SEC24D: variants seen among roughly 807,000 people sequenced by gnomAD.
The protein encoded by SEC24D is protein transport protein Sec24D.
In SEC24D, 69 loss-of-function variants were observed where a neutral mutation model predicts 116.9. The ratio of observed to expected loss-of-function variants is 0.59; its 90% CI spans 0.49 to 0.72. The LOEUF is 0.72. Among genes scored for constraint, SEC24D ranks in the 30% least tolerant of loss-of-function variants. The probability of loss-of-function intolerance (pLI) is 0.00; values close to 1 mark genes in which losing one functional copy is unlikely to be tolerated. For synonymous variants in SEC24D, 405 were observed against 442.8 expected, an observed-to-expected ratio of 0.91 and a Z score of 1.07; for missense variants, 1,131 against 1,264.1, an observed-to-expected ratio of 0.89 and a Z score of 1.60.
chr4:118,795,989 G>T (rs1242490262), intron 8 of SEC24D, among the ~76,000 whole-genome samples: 1 of 152,114 alleles, frequency 6.6e-6, no homozygotes, highest in African/African-American at 2.4e-5. Flanking sequence ...ATGCATTCTG[G>T]AGTATTTAGT....
At chr4:118,746,360 T>A (rs1304462918) in intron 13 of SEC24D, among the ~76,000 whole-genome samples, 2 of 152,034 alleles carry the variant, frequency 1.3e-5, no homozygotes, top group African/African-American at 2.4e-5. Flanking sequence ...ATTTATTGCA[T>A]GCAGCTCTGT....
In SEC24D at chr4:118,777,289, C is replaced by T. The variant is rs191722221; in HGVS notation, c.1042-8978G>A. Among the ~76,000 whole-genome samples, 323 of 152,230 alleles carry T rather than the reference C, an allele frequency of 2.1e-3. 1 individual carries two copies. Among genetic ancestry groups the T allele is most frequent in the African/African-American group, 7.3e-3 (303 of 41,536 alleles). ...CAGCCCTCCACCTCACAACAGACCC[C>T]GGTGTGTGATGTTTCCCACCCTGTG... On this transcript the variant is annotated intron_variant, in intron 8 of 22. Coordinates refer to ENST00000280551, the MANE Select transcript of SEC24D (RefSeq NM_014822.4).
chr4:118,828,635 A>G (rs1279900658), intron 2 of SEC24D, among the ~76,000 whole-genome samples: 2 of 151,876 alleles, frequency 1.3e-5, no homozygotes, highest in African/African-American at 4.9e-5. Context: ...CCAACGAAGA[A>G]TTAATTGGCC....
intron 1 of SEC24D, among the ~76,000 whole-genome samples, chr4:118,834,847 C>T (rs1484179512): frequency 6.6e-6 from 1 of 152,146 alleles, no homozygotes; most frequent in East Asian, 1.9e-4. Context: ...ATCAGTGATA[C>T]CTGCTAAGAC....
intron 22 of SEC24D, among the ~76,000 whole-genome samples, chr4:118,724,316 A>G (rs925899620): frequency 3.0e-4 from 46 of 152,238 alleles, no homozygotes; most frequent in African/African-American, 1.0e-3. Context: ...TTTGCTCATC[A>G]TGATTCTCTA....
intron 7 of SEC24D, among the ~76,000 whole-genome samples, chr4:118,802,970 C>T (rs549048120): frequency 6.6e-6 from 1 of 152,220 alleles, no homozygotes; most frequent in Non-Finnish European, 1.5e-5. Flanking sequence ...AAATATTATA[C>T]TAAGTAAAAT....
At chr4:118,790,966 G>T (rs373769504) in intron 8 of SEC24D, among the ~76,000 whole-genome samples, 1 of 150,620 alleles carries the variant, frequency 6.6e-6, no homozygotes, top group Non-Finnish European at 1.5e-5. Context: ...AATTAAAGAT[G>T]ACTTTATACA....
chr4:118,754,785 T>C (rs1727004690), intron 11 of SEC24D, among the ~76,000 whole-genome samples: 1 of 152,144 alleles, frequency 6.6e-6, no homozygotes, highest in Non-Finnish European at 1.5e-5. Flanking sequence ...ATTAAGGCTT[T>C]ATTTTTTTGA....
intron 8 of SEC24D, among the ~76,000 whole-genome samples, chr4:118,773,995 G>C (rs1344357259): frequency 1.3e-5 from 2 of 152,052 alleles, no homozygotes; most frequent in African/African-American, 4.8e-5. Context: ...CTTCTAAAAA[G>C]AAACAGCAAG....
At chr4:118,725,679 A>G (rs1164967475) in intron 22 of SEC24D, among the ~76,000 whole-genome samples, 1 of 151,552 alleles carries the variant, frequency 6.6e-6, no homozygotes, top group Non-Finnish European at 1.5e-5. Flanking sequence ...GTGTCTCGCT[A>G]TGAGCTGAGG....
intron 13 of SEC24D, among the ~76,000 whole-genome samples, chr4:118,745,284 A>T (rs1726454915): frequency 6.6e-6 from 1 of 152,206 alleles, no homozygotes; most frequent in African/African-American, 2.4e-5. Context: ...AAAATTTGTA[A>T]ATGAAAGAGA....
At chr4:118,788,984 G>A (rs1334242826) in intron 8 of SEC24D, among the ~76,000 whole-genome samples, 2 of 152,182 alleles carry the variant, frequency 1.3e-5, no homozygotes, top group Non-Finnish European at 2.9e-5. Context: ...GGAGTACTAA[G>A]CAGAGGCTTA....
chr4:118,782,753 C>T (rs533928815), intron 8 of SEC24D, among the ~76,000 whole-genome samples: 9 of 152,332 alleles, frequency 5.9e-5, no homozygotes, highest in East Asian at 3.9e-4. Context: ...TGGTGGGCTC[C>T]GCCCAGTTTG....
intron 8 of SEC24D, among the ~76,000 whole-genome samples, chr4:118,787,542 G>A (rs1243209655): frequency 6.6e-6 from 1 of 152,186 alleles, no homozygotes; most frequent in Non-Finnish European, 1.5e-5. Context: ...GCTGGATGTG[G>A]TGGCTCAAGT....
chr4:118,729,117 CTT>C (rs375529439), intron 21 of SEC24D: 6 of 144,852 alleles, frequency 4.1e-5, no homozygotes, highest in South Asian at 2.2e-4. Flanking sequence ...TATAAGTAAT[CTT>C]TTTTTTTTTT....
At chr4:118,790,733 G>A (rs576165895) in intron 8 of SEC24D, among the ~76,000 whole-genome samples, 4 of 151,632 alleles carry the variant, frequency 2.6e-5, no homozygotes, top group East Asian at 3.9e-4. Context: ...TATTTTTATA[G>A]GCCGTTGCTA....
At chr4:118,776,669 A>C (rs1163091166) in intron 8 of SEC24D, among the ~76,000 whole-genome samples, 4 of 152,160 alleles carry the variant, frequency 2.6e-5, no homozygotes, top group Non-Finnish European at 5.9e-5. Flanking sequence ...GTAAGATATT[A>C]TCTCTCCAGA....
chr4:118,829,196 A>G (rs1019696), intron 2 of SEC24D, among the ~76,000 whole-genome samples: 49,833 of 152,178 alleles, frequency 0.33, 9,913 homozygotes, highest in East Asian at 0.55. Flanking sequence ...TATTACCACA[A>G]TTATTTTGTT....
intron 22 of SEC24D, among the ~76,000 whole-genome samples, chr4:118,727,144 G>GT (rs1430387269): frequency 6.6e-6 from 1 of 152,144 alleles, no homozygotes; most frequent in Non-Finnish European, 1.5e-5. Context: ...AGGAAGCCAG[G>GT]TATCTCCCAG....
Sources: allele counts gnomAD v4.1 joint callset (sites outside exome capture counted in the v4.1 genomes callset), GRCh38; gene constraint gnomAD v4.1.1; transcripts MANE v1.5; gene names NCBI Gene and HGNC (gene_info 2026-07-23, HGNC 2026-07-21).